Variants in STRN observed in about 807,000 individuals in gnomAD.
STRN encodes striatin, also known as protein phosphatase 2 regulatory subunit B'''alpha.
Under a neutral mutation model 96.3 loss-of-function variants are expected in STRN, and 53 were observed. The ratio of observed to expected loss-of-function variants is 0.55; its 90% confidence interval spans 0.44 to 0.69. The LOEUF (loss-of-function observed/expected upper bound fraction) is 0.69. STRN is among the 30% of genes least tolerant of loss of function. STRN has a pLI of 0.00. For synonymous variants in STRN, 428 were observed against 355.9 expected (o/e 1.20, Z -2.28); for missense variants, 987 against 963.9 (o/e 1.02, Z -0.32).
At chr2:36,927,536 G>GT (rs1491497510) in intron 1 of STRN, among the ~76,000 whole-genome samples, 15 of 126,896 alleles carry the variant, frequency 1.2e-4, no homozygotes, top group African/African-American at 4.6e-4. Context: ...GGGGGGGGGG[G>GT]TGGTAATCAG....
chr2:36,921,706 T>C, intron 2 of STRN, among the ~76,000 whole-genome samples: 1 of 101,550 alleles, frequency 9.8e-6, no homozygotes, highest in South Asian at 3.3e-4. Context: ...TTTTTTTTGT[T>C]GATGTGTCTA....
chr2:36,855,870 T>A (rs1397216761), intron 14 of STRN, among the ~76,000 whole-genome samples: 1 of 152,170 alleles, frequency 6.6e-6, no homozygotes, highest in African/African-American at 2.4e-5. Context: ...ACAGAAGGTA[T>A]TTTTATTTAC....
intron 7 of STRN, among the ~76,000 whole-genome samples, chr2:36,891,699 A>G (rs1425997426): frequency 6.6e-6 from 1 of 152,232 alleles, no homozygotes; most frequent in Non-Finnish European, 1.5e-5. Context: ...CCTTGAGGTA[A>G]GCACAAATTA....
At chr2:36,909,906 C>T (rs774124426) in intron 3 of STRN, among the ~76,000 whole-genome samples, 9 of 152,160 alleles carry the variant, frequency 5.9e-5, no homozygotes, top group Non-Finnish European at 8.8e-5. Context: ...GGCGCAGTGG[C>T]TCACGCCTGT....
At chr2:36,943,665 G>T (rs1382637530) in intron 1 of STRN, among the ~76,000 whole-genome samples, 1 of 151,972 alleles carries the variant, frequency 6.6e-6, no homozygotes, top group Non-Finnish European at 1.5e-5. Context: ...TTAGCTGGGC[G>T]TGGTGGCACA....
At chr2:36,883,024 CAATAT>C (rs1378897962) in intron 9 of STRN, among the ~76,000 whole-genome samples, 7 of 151,976 alleles carry the variant, frequency 4.6e-5, no homozygotes, top group Admixed American at 3.9e-4. Context: ...ATCAAGTCTA[CAATAT>C]AATATACAAT....
chr2:36,929,407 G>A (rs996764292), intron 1 of STRN, among the ~76,000 whole-genome samples: 4 of 147,912 alleles, frequency 2.7e-5, no homozygotes, highest in Non-Finnish European at 5.9e-5. Flanking sequence ...CTTTTGAGAC[G>A]GAGTCTCGCT....
At chr2:36,891,119 C>T (rs962836600) in intron 7 of STRN, among the ~76,000 whole-genome samples, 2 of 152,138 alleles carry the variant, frequency 1.3e-5, no homozygotes, top group African/African-American at 4.8e-5. Flanking sequence ...TGGCAGTGCT[C>T]AAAAAGTTTC....
intron 9 of STRN, among the ~76,000 whole-genome samples, chr2:36,880,430 A>G (rs1320889911): frequency 6.6e-6 from 1 of 152,200 alleles, no homozygotes; most frequent in Admixed American, 6.5e-5. Context: ...ACAGAGCAAG[A>G]CCATGTCTTT....
rs1668075376 is a variant in STRN at position 36,846,390 on chromosome 2, TATATATATATATA to T, written c.*3053_*3065del. The T allele has an allele frequency of 6.8e-4, 18 of 26,382 alleles. No individual in the cohort carries two copies. The highest frequency in any genetic ancestry group is 1.8e-3 in the Non-Finnish European group (15 of 8,222). 1.6% of individuals were successfully genotyped at this position (26,382 alleles called of 1,614,324 possible). A position where few individuals can be genotyped will look rare whatever the true frequency, so the allele number is the denominator to read the frequency against. ...AACAGTAAAATGCACCTATGGTTTA[TATATATATATATA>T]TATATATATATATATATATATATAT... On this transcript the variant is annotated 3_prime_UTR_variant, in exon 18 of 18. Coordinates refer to ENST00000263918, the MANE Select transcript of STRN (RefSeq NM_003162.4).
At chr2:36,851,173 G>T in intron 15 of STRN, 66 bp from the exon 16 acceptor site, 1 of 1,390,652 alleles carries the variant, frequency 7.2e-7, no homozygotes. Flanking sequence ...AAGGAGAACT[G>T]AATTATCTAT....
chr2:36,916,372 T>C (rs1174524553), intron 2 of STRN, among the ~76,000 whole-genome samples: 1 of 152,128 alleles, frequency 6.6e-6, no homozygotes, highest in African/African-American at 2.4e-5. Flanking sequence ...AATAAAGGAA[T>C]AACTCTGGGA....
At chr2:36,861,087 TA>T in intron 13 of STRN, 44 bp downstream of exon 13, 1 of 1,601,044 alleles carries the variant, frequency 6.2e-7, no homozygotes, top group Non-Finnish European at 8.5e-7. Context: ...AAAATGTGTT[TA>T]AAAAACCAAT....
chr2:36,917,052 TA>T (rs1448769970), intron 2 of STRN, among the ~76,000 whole-genome samples: 362 of 135,574 alleles, frequency 2.7e-3, no homozygotes, highest in African/African-American at 0.01. Context: ...AATAAAAAAA[TA>T]AAAAATAAAA....
At chr2:36,886,935 T>A (rs1669248076) in intron 7 of STRN, 109 bp from the exon 8 acceptor site, 3 of 763,118 alleles carry the variant, frequency 3.9e-6, no homozygotes, top group Non-Finnish European at 4.1e-6. Context: ...TATCACTAAC[T>A]TAAAAAAAGT....
intron 12 of STRN, among the ~76,000 whole-genome samples, chr2:36,865,608 T>C (rs7571203): frequency 0.028 from 4,312 of 152,186 alleles, 90 homozygotes; most frequent in African/African-American, 0.066. Context: ...GTCGCCCAGG[T>C]TGGAGTGCAG....
In STRN at chr2:36,941,458, A is replaced by T. The variant is rs189483317; in HGVS notation, c.235-16250T>A. ...CTCTATTTTAGCTTCTATTTTTATC[A>T]TCTGAATTATTTCCTTTGAATTTGC... On this transcript the variant is annotated intron_variant, in intron 1 of 17. Transcript: ENST00000263918. Among the ~76,000 whole-genome samples, 687 of 152,292 alleles carry T rather than the reference A, an allele frequency of 4.5e-3. 3 individuals carry two copies. Among genetic ancestry groups the T allele is most frequent in the Admixed American group, 7.3e-3 (112 of 15,282 alleles).
intron 1 of STRN, among the ~76,000 whole-genome samples, chr2:36,955,635 C>CGTCCTT (rs373515425): frequency 2.5e-3 from 387 of 152,226 alleles, no homozygotes; most frequent in Non-Finnish European, 4.6e-3. Context: ...CCTTTCTGAA[C>CGTCCTT]TCCAAATCTG....
At chr2:36,915,274 A>ATATATATAG (rs1274039251) in intron 3 of STRN, among the ~76,000 whole-genome samples, 1 of 96,658 alleles carries the variant, frequency 1.0e-5, no homozygotes, top group African/African-American at 3.0e-5. Flanking sequence ...TATATATATA[A>ATATATATAG]AGCCTCTAGC....
Sources: allele counts gnomAD v4.1 joint callset (sites outside exome capture counted in the v4.1 genomes callset), GRCh38; gene constraint gnomAD v4.1.1; transcripts MANE v1.5; gene names NCBI Gene and HGNC (gene_info 2026-07-23, HGNC 2026-07-21).